The following TBC1D31 variants were observed in gnomAD, a reference collection of about 807,000 sequenced individuals.
TBC1D31 encodes WD repeat domain 67.
Under a neutral mutation model 132.9 loss-of-function variants are expected in TBC1D31, and 99 were observed. The observed-to-expected ratio is 0.74, with a 90% CI of 0.63 to 0.88. The LOEUF (loss-of-function observed/expected upper bound fraction) is 0.88, where lower values mean the gene tolerates loss of function less well. Among genes scored for constraint, TBC1D31 ranks in the 40% least tolerant of loss-of-function variants. The pLI is 0.00. For synonymous variants in TBC1D31, 385 were observed against 419.4 expected (o/e 0.92, Z 1.00); for missense variants, 1,134 against 1,256.6 (o/e 0.90, Z 1.48).
chr8:123,073,372 G>T (rs538110495), intron 1 of TBC1D31: 5 of 456,326 alleles, frequency 1.1e-5, no homozygotes, highest in African/African-American at 8.0e-5. Context: ...GCCTCTAAGC[G>T]CTGGGGACGG....
At chr8:123,113,739 C>CTG (rs1818660623) in intron 10 of TBC1D31, among the ~76,000 whole-genome samples, 1 of 138,126 alleles carries the variant, frequency 7.2e-6, no homozygotes, top group South Asian at 2.2e-4. Context: ...GTTAAAGCTT[C>CTG]AAAGCAATTT....
In TBC1D31 at chr8:123,093,611, T is replaced by G; in HGVS notation, c.540T>G (p.Ser180Arg). Reference sequence around the variant, plus strand: ...CTTAGGTTTTCTTTCTACCATTAAGTAATACCATCCTCAGCTGTTTTAAAG... The same window carrying G: ...CTTAGGTTTTCTTTCTACCATTAAGGAATACCATCCTCAGCTGTTTTAAAG... The part of the protein sequence containing the change: ...GIQKVFFLPL[S>R]NTILSCFKDN... Residue 180 changes from serine to arginine, a missense_variant, in exon 5 of 22, where the codon AGT (serine) becomes AGG (arginine). Physicochemically the swap from Ser to Arg is moderately radical, Grantham distance 110. Coordinates refer to ENST00000287380, the MANE Select transcript of TBC1D31 (RefSeq NM_145647.4). 2 of 1,608,188 alleles carry G rather than the reference T, an allele frequency of 1.2e-6. No homozygotes were observed. Among genetic ancestry groups the G allele is most frequent in the Non-Finnish European group, 1.7e-6 (2 of 1,176,032 alleles).
chr8:123,150,251 A>G lies in TBC1D31; in HGVS notation c.3067+123A>G, dbSNP rs1822644217. 8 of 713,070 alleles carry G rather than the reference A, an allele frequency of 1.1e-5. No individual in the cohort carries two copies. The Admixed American group carries it at 1.7e-4, about 16-fold the overall frequency. The allele number at this position is 713,070 out of a possible 1,614,324, so 44.2% of individuals were successfully genotyped here. On this transcript the variant is annotated intron_variant, in intron 21 of 21. Coordinates refer to ENST00000287380, the MANE Select transcript of TBC1D31 (RefSeq NM_145647.4). ...CATTTTCCCAGGGCACTGATAATGGAAATCCTAAAAGGGAGGCAGCAAGAT... is the reference window on the plus strand; with the variant it reads ...CATTTTCCCAGGGCACTGATAATGGGAATCCTAAAAGGGAGGCAGCAAGAT...
chr8:123,130,623 CTTT>C (rs774112527), intron 16 of TBC1D31, among the ~76,000 whole-genome samples: 3 of 136,078 alleles, frequency 2.2e-5, no homozygotes, highest in Admixed American at 7.4e-5. Flanking sequence ...CTTTTCTTTT[CTTT>C]TTTTTTTTTT....
Position 123,120,113 on chromosome 8 carries a change from C to G in TBC1D31, c.1495C>G (p.Leu499Val), listed in dbSNP as rs768702703. 1.2e-6 allele frequency: 2 copies of G among 1,611,236 alleles called. No homozygotes were observed. The highest frequency in any genetic ancestry group is 2.2e-5 in the South Asian group (2 of 90,686). ...VIFSDTPYLPLLAFPFVKLFQ... is the reference protein window; with the variant it reads ...VIFSDTPYLPVLAFPFVKLFQ... ...TTTTAGTGACACACCATATCTTCCA[C>G]TCTTGGCATTTCCATTTGTAAAATT... Residue 499 changes from leucine to valine, a missense_variant, in exon 11 of 22, where the codon CTC (leucine) becomes GTC (valine). Physicochemically the swap from Leu to Val is conservative, Grantham distance 32 (BLOSUM62 1). Coordinates refer to ENST00000287380, the MANE Select transcript of TBC1D31 (RefSeq NM_145647.4).
At chr8:123,134,072 G>T in intron 16 of TBC1D31, 42 bp from the exon 17 acceptor site, 1 of 1,441,788 alleles carries the variant, frequency 6.9e-7, no homozygotes. Flanking sequence ...AAATTATTTT[G>T]TAAATTCTTT....
Position 123,101,010 on chromosome 8 carries a change from A to ATG in TBC1D31, c.1032+5_1032+6dup. ...CTTTAACACAAGAAATAAATAAGGT[A>ATG]TGTATGATGAAGTAATCAACATCAG... On this transcript the variant is annotated splice_donor_region_variant and intron_variant, in intron 7 of 21. Transcript: ENST00000287380. 1.3e-6 allele frequency: 2 copies of ATG among 1,598,018 alleles called. No homozygotes were observed. The highest frequency in any genetic ancestry group is 1.7e-6 in the Non-Finnish European group (2 of 1,165,590).
chr8:123,100,924 C>T lies in TBC1D31; in HGVS notation c.949C>T (p.His317Tyr), dbSNP rs139083623. The change falls in exon 7 of 22, where the codon CAT becomes TAT. Residue 317 changes from histidine (H) to tyrosine (Y), a missense_variant. By Grantham distance (83) the His-to-Tyr change is moderately conservative. Transcript: ENST00000287380. ...EGISSSAISP[H>Y]GRYIASIMEN... ...AATTAGCTCATCAGCAATTAGCCCACATGGACGGTACATTGCATCTATTAT... is the reference window on the plus strand; with the variant it reads ...AATTAGCTCATCAGCAATTAGCCCATATGGACGGTACATTGCATCTATTAT... The T allele has an allele frequency of 1.6e-5, 26 of 1,613,914 alleles. No homozygotes were observed. The African/African-American group carries it at 3.3e-4, about 21-fold the overall frequency.
At chr8:123,096,262 G>A (rs1422965740) in intron 5 of TBC1D31, among the ~76,000 whole-genome samples, 5 of 150,896 alleles carry the variant, frequency 3.3e-5, no homozygotes, top group Non-Finnish European at 5.9e-5. Context: ...CGCCTCCCTC[G>A]CTTCATCTCA....
intron 4 of TBC1D31, among the ~76,000 whole-genome samples, chr8:123,086,429 G>A (rs1815752406): frequency 6.6e-6 from 1 of 152,310 alleles, no homozygotes; most frequent in South Asian, 2.1e-4. Context: ...ACTGGCGGCT[G>A]CAAGTGCCAG....
At chr8:123,157,698 AACACACACGGGCGCGCGCGCGC>A in the TBC1D31 span, among the ~76,000 whole-genome samples, 130 of 141,014 alleles carry the variant, frequency 9.2e-4, 2 homozygotes, top group Middle Eastern at 3.6e-3. Context: ...ACGATTGGAA[AACACACACGGGCGCGCGCGCGC>A]ACACACACAC....
intron 18 of TBC1D31, among the ~76,000 whole-genome samples, 185 bp downstream of exon 18, chr8:123,141,086 A>G (rs1470672594): frequency 6.6e-6 from 1 of 152,222 alleles, no homozygotes; most frequent in East Asian, 1.9e-4. Flanking sequence ...TTCACTGACA[A>G]TCACATGATA....
chr8:123,154,268 G>A (rs747339799), downstream of TBC1D31, among the ~76,000 whole-genome samples: 47 of 152,210 alleles, frequency 3.1e-4, no homozygotes, highest in Non-Finnish European at 4.7e-4. Context: ...AAAGTTTAAT[G>A]TAAAGACTAA....
chr8:123,087,436 A>G (rs1815880033), intron 4 of TBC1D31, among the ~76,000 whole-genome samples: 1 of 152,230 alleles, frequency 6.6e-6, no homozygotes, highest in South Asian at 2.1e-4. Context: ...GAAATCCCAG[A>G]GTTCTTTAAT....
chr8:123,081,136 G>A (rs1310550905), intron 2 of TBC1D31, among the ~76,000 whole-genome samples: 1 of 152,092 alleles, frequency 6.6e-6, no homozygotes. Context: ...TTGGCTTCAT[G>A]GTACAGCTTT....
At chr8:123,134,292 G>C in intron 17 of TBC1D31, 86 bp downstream of exon 17, 1 of 1,020,078 alleles carries the variant, frequency 9.8e-7, no homozygotes, top group Non-Finnish European at 1.5e-6. Context: ...ACTTTGGGAG[G>C]ATGAGGTGGA....
chr8:123,082,896 C>A (rs971227822), intron 3 of TBC1D31, 79 bp downstream of exon 3: 2 of 980,768 alleles, frequency 2.0e-6, no homozygotes, highest in Admixed American at 2.1e-5. Context: ...TCACTCTGTA[C>A]AGCTTGAGGG....
intron 16 of TBC1D31, among the ~76,000 whole-genome samples, chr8:123,133,553 T>G (rs1445575247): frequency 1.3e-5 from 2 of 152,222 alleles, no homozygotes; most frequent in Non-Finnish European, 2.9e-5. Context: ...TAAGAGTCTC[T>G]AGAGAGTTCC....
intron 4 of TBC1D31, among the ~76,000 whole-genome samples, chr8:123,090,787 C>A (rs982357580): frequency 5.3e-5 from 8 of 151,934 alleles, no homozygotes; most frequent in Admixed American, 5.2e-4. Flanking sequence ...CCCATCTCTA[C>A]TAAAATATAC....
Sources: allele counts gnomAD v4.1 joint callset (sites outside exome capture counted in the v4.1 genomes callset), GRCh38; gene constraint gnomAD v4.1.1; transcripts MANE v1.5; gene names NCBI Gene and HGNC (gene_info 2026-07-23, HGNC 2026-07-21).